The following TRPC4 variants were observed in gnomAD, a reference collection of about 807,000 sequenced individuals.
TRPC4 encodes short transient receptor potential channel 4.
A neutral mutation model predicts 99.4 loss-of-function variants in TRPC4; 49 were observed. That is an observed-to-expected ratio of 0.49 (90% confidence interval 0.39 to 0.63). The LOEUF (loss-of-function observed/expected upper bound fraction) is 0.63. Among genes scored for constraint, TRPC4 ranks in the 20% least tolerant of loss-of-function variants. The probability of loss-of-function intolerance (pLI) is 0.00; values close to 1 mark genes in which losing one functional copy is unlikely to be tolerated. For missense variants in TRPC4, 898 were observed against 1,152.9 expected (o/e 0.78, Z 3.20); for synonymous variants, 454 against 425.9 (o/e 1.07, Z -0.81).
chr13:37,668,436 G>A (rs1252841651), intron 5 of TRPC4, among the ~76,000 whole-genome samples: 3 of 152,104 alleles, frequency 2.0e-5, no homozygotes, highest in Admixed American at 1.3e-4. Context: ...CTGGGGAGAA[G>A]AATTATAGAC....
intron 1 of TRPC4, among the ~76,000 whole-genome samples, chr13:37,806,897 T>C (rs941089917): frequency 6.6e-6 from 1 of 152,192 alleles, no homozygotes; most frequent in East Asian, 1.9e-4. Context: ...GCCTCTGTAT[T>C]GCACTGTTAG....
At chr13:37,676,754 ATACT>A (rs1284009885) in intron 4 of TRPC4, among the ~76,000 whole-genome samples, 1 of 152,106 alleles carries the variant, frequency 6.6e-6, no homozygotes, top group Non-Finnish European at 1.5e-5. Flanking sequence ...GCTCTAAGAA[ATACT>A]TACTAAAGAC....
chr13:37,804,625 T>C (rs967675601), intron 1 of TRPC4, among the ~76,000 whole-genome samples: 1 of 152,160 alleles, frequency 6.6e-6, no homozygotes, highest in African/African-American at 2.4e-5. Flanking sequence ...AACAACAAAG[T>C]GTTTTTAAGT....
chr13:37,677,257 A>C (rs1414406852), intron 4 of TRPC4, among the ~76,000 whole-genome samples: 1 of 152,128 alleles, frequency 6.6e-6, no homozygotes, highest in Non-Finnish European at 1.5e-5. Flanking sequence ...GGTTATACAA[A>C]TATTTAATCC....
At chr13:37,767,344 A>G (rs1041700197) in intron 2 of TRPC4, among the ~76,000 whole-genome samples, 28 of 151,166 alleles carry the variant, frequency 1.9e-4, no homozygotes, top group African/African-American at 6.5e-4. Context: ...CAGCATATAT[A>G]TATATATATA....
intron 3 of TRPC4, among the ~76,000 whole-genome samples, chr13:37,707,718 G>A (rs975539026): frequency 6.6e-6 from 1 of 151,918 alleles, no homozygotes; most frequent in Non-Finnish European, 1.5e-5. Context: ...TGCAATTCTG[G>A]GATACCCAAA....
intron 2 of TRPC4, among the ~76,000 whole-genome samples, chr13:37,766,129 A>C (rs1956359116): frequency 1.3e-5 from 2 of 151,626 alleles, no homozygotes; most frequent in Non-Finnish European, 3.0e-5. Flanking sequence ...AATACATCTT[A>C]GTATATGTTA....
intron 1 of TRPC4, among the ~76,000 whole-genome samples, chr13:37,849,772 G>T (rs1290076107): frequency 6.6e-6 from 1 of 152,214 alleles, no homozygotes; most frequent in Admixed American, 6.5e-5. Flanking sequence ...CTGGAGCTGA[G>T]ACCGTGCTGT....
At chr13:37,711,951 T>G (rs1347602366) in intron 3 of TRPC4, among the ~76,000 whole-genome samples, 2 of 152,054 alleles carry the variant, frequency 1.3e-5, no homozygotes, top group African/African-American at 4.8e-5. Context: ...TAATGAGATA[T>G]TTTGCATTCT....
rs560043394 is a variant in TRPC4, at chr13:37,849,969, TA to T, written c.-28+19625del. On this transcript the variant is annotated intron_variant, in intron 1 of 10. Transcript: ENST00000379705. ...TGAAAACTACCCGATATATTAACCA[TA>T]AGCTGCAACAATACTGATGGTTAAA... Among the ~76,000 whole-genome samples the T allele has an allele frequency of 7.2e-4, 109 of 152,318 alleles. 1 individual carries two copies. Among genetic ancestry groups the T allele is most frequent in the African/African-American group, 2.4e-3 (101 of 41,570 alleles).
At chr13:37,848,530 G>A (rs1958969485) in intron 1 of TRPC4, among the ~76,000 whole-genome samples, 1 of 152,026 alleles carries the variant, frequency 6.6e-6, no homozygotes, top group Admixed American at 6.6e-5. Context: ...ATAGATAGAG[G>A]GAAAATCAAG....
chr13:37,864,350 T>C (rs1959595487), intron 1 of TRPC4, among the ~76,000 whole-genome samples: 1 of 151,660 alleles, frequency 6.6e-6, no homozygotes, highest in African/African-American at 2.4e-5. Flanking sequence ...TAACTGGTTA[T>C]ATAAATCCTA....
At chr13:37,808,087 T>A (rs137908857) in intron 1 of TRPC4, among the ~76,000 whole-genome samples, 1 of 152,146 alleles carries the variant, frequency 6.6e-6, no homozygotes, top group Admixed American at 6.6e-5. Context: ...GCTCTCTTTC[T>A]TCAGAATTTA....
intron 3 of TRPC4, among the ~76,000 whole-genome samples, chr13:37,708,031 C>G (rs1294106794): frequency 6.6e-6 from 1 of 152,042 alleles, no homozygotes; most frequent in Non-Finnish European, 1.5e-5. Context: ...TCATGTCTTC[C>G]AGCTTCAACG....
intron 1 of TRPC4, among the ~76,000 whole-genome samples, chr13:37,849,213 G>T (rs1958993059): frequency 6.6e-6 from 1 of 152,098 alleles, no homozygotes; most frequent in African/African-American, 2.4e-5. Context: ...AGCTTATTAT[G>T]TCATTGTCCC....
At chr13:37,825,613 T>A (rs1350130483) in intron 1 of TRPC4, among the ~76,000 whole-genome samples, 1 of 145,500 alleles carries the variant, frequency 6.9e-6, no homozygotes, top group Non-Finnish European at 1.5e-5. Context: ...TGAGTTCTAG[T>A]TTGATTGCAC....
intron 4 of TRPC4, among the ~76,000 whole-genome samples, chr13:37,687,109 T>C (rs1392640622): frequency 6.6e-6 from 1 of 151,872 alleles, no homozygotes; most frequent in Non-Finnish European, 1.5e-5. Context: ...GGACTACATG[T>C]GCCTGCCACC....
At chr13:37,688,122 T>C (rs1046366071) in intron 4 of TRPC4, among the ~76,000 whole-genome samples, 1 of 152,184 alleles carries the variant, frequency 6.6e-6, no homozygotes, top group African/African-American at 2.4e-5. Context: ...GGCTGTTTGA[T>C]GGCAGAAAGG....
At chr13:37,823,750 T>C (rs1958100943) in intron 1 of TRPC4, among the ~76,000 whole-genome samples, 1 of 145,516 alleles carries the variant, frequency 6.9e-6, no homozygotes, top group Non-Finnish European at 1.5e-5. Flanking sequence ...GACTTGGCGA[T>C]GCGGGCTCTT....
Sources: gnomAD v4.1 joint callset for allele counts (sites outside exome capture counted in the v4.1 genomes callset) on GRCh38, gnomAD v4.1.1 for gene constraint, MANE v1.5 for transcripts, NCBI Gene and HGNC (gene_info 2026-07-23, HGNC 2026-07-21) for gene names.